The following EGFL6 variants were observed in gnomAD, a reference collection of about 807,000 sequenced individuals.
EGFL6 encodes the protein epidermal growth factor-like protein 6.
Under a neutral mutation model 43.1 loss-of-function variants are expected in EGFL6, and 42 were observed. The observed-to-expected ratio is 0.98, with a 90% confidence interval of 0.76 to 1.26. The LOEUF is 1.26. EGFL6 is among the 50% of genes most tolerant of loss of function. The pLI, the probability that EGFL6 is intolerant of heterozygous loss-of-function variation, is 0.00. For missense variants in EGFL6, 429 were observed against 427.8 expected (o/e 1.00, Z -0.02); for synonymous variants, 164 against 163.2 (o/e 1.01, Z -0.04).
chrX:13,619,720 C>CAGAA (rs1314978264), intron 9 of EGFL6, among the ~76,000 whole-genome samples: 5 of 111,703 alleles, frequency 4.5e-5, no homozygotes, highest in Non-Finnish European at 7.5e-5. Flanking sequence ...GTTGGCTGGA[C>CAGAA]GGTTCTGCTG....
At chrX:13,577,296 TTTTATATATA>T (rs1235732753) in intron 1 of EGFL6, among the ~76,000 whole-genome samples, 1 of 6,240 alleles carries the variant, frequency 1.6e-4, no homozygotes, top group African/African-American at 4.6e-4. Flanking sequence ...TATATATGAA[TTTTATATATA>T]TATATATATA....
In EGFL6 at chrX:13,608,448, T is replaced by A. The variant is rs776553348; in HGVS notation, c.778+2T>A. The A allele has an allele frequency of 2.6e-5, 31 of 1,209,858 alleles. No individual in the cohort carries two copies. Among genetic ancestry groups the A allele is most frequent in the Non-Finnish European group, 3.5e-5 (31 of 894,242 alleles). ...AAGGCAATGGACTTCGGTGTTCTGG[T>A]AAGTAGCATTTGGTCATGGTGTCTT... On this transcript the variant is annotated splice_donor_variant, in intron 7 of 11. Transcript: ENST00000361306. LOFTEE classifies it high-confidence loss of function.
chrX:13,591,909 C>G (rs2045565397), intron 2 of EGFL6, among the ~76,000 whole-genome samples: 1 of 111,757 alleles, frequency 8.9e-6, no homozygotes, highest in Non-Finnish European at 1.9e-5. Flanking sequence ...TAAACAAGTA[C>G]CTGATGAAAA....
intron 11 of EGFL6, among the ~76,000 whole-genome samples, chrX:13,628,363 G>A (rs1173078712): frequency 2.7e-5 from 3 of 109,966 alleles, no homozygotes; most frequent in African/African-American, 9.9e-5. Flanking sequence ...GAATAAAAAT[G>A]GCAAAGAGTC....
chrX:13,617,801 C>T lies in EGFL6; in HGVS notation c.850C>T (p.Leu284Phe), dbSNP rs150188002. The T allele has an allele frequency of 3.3e-6, 4 of 1,209,837 alleles. No homozygotes were observed. The highest frequency in any genetic ancestry group is 3.4e-6 in the Non-Finnish European group (3 of 895,126). The change falls in exon 8 of 12, where the codon CTT (leucine) becomes TTT (phenylalanine). Residue 284 changes from leucine to phenylalanine, a missense_variant. Coordinates refer to ENST00000361306, the MANE Select transcript of EGFL6 (RefSeq NM_015507.4). The part of the protein sequence containing the change: ...GTIKDRIKKL[L>F]AHKNSMKKKA... ...CATCAAAGACAGAATCAAGAAGTTG[C>T]TTGCTCACAAAAACAGCATGAAAAA...
In EGFL6 at chrX:13,569,668, C is replaced by A. The variant is rs1476698822; in HGVS notation, c.-194C>A. 2 of 420,241 alleles carry A rather than the reference C, an allele frequency of 4.8e-6. No homozygotes were observed. The highest frequency in any genetic ancestry group is 8.1e-5 in the East Asian group (2 of 24,635). 34.6% of individuals were successfully genotyped at this position (420,241 alleles called of 1,213,427 possible). ...GCTTGCCAGGGCGCCCCCAGCCCCT[C>A]CCCAGGCCGCGAGCGCCCCTGCCGC... is the stretch of plus-strand genomic sequence containing the variant. On this transcript the variant is annotated 5_prime_UTR_variant, in exon 1 of 12. Coordinates refer to ENST00000361306, the MANE Select transcript of EGFL6 (RefSeq NM_015507.4).
Position 13,606,159 on chromosome X carries a change from T to C in EGFL6, c.521-220T>C, listed in dbSNP as rs181154619. ...TGTAAGTAATGACATTATGGAAAGA[T>C]AATGCATCTTAAAAAGGTATAAAAT... On this transcript the variant is annotated intron_variant, in intron 5 of 11. Coordinates refer to ENST00000361306, the MANE Select transcript of EGFL6 (RefSeq NM_015507.4). Among the ~76,000 whole-genome samples, 254 of 111,688 alleles carry C rather than the reference T, an allele frequency of 2.3e-3. 1 individual carries two copies. The highest frequency in any genetic ancestry group is 7.5e-3 in the African/African-American group (232 of 30,738).
At chrX:13,582,353 G>A (rs1322338023) in intron 1 of EGFL6, among the ~76,000 whole-genome samples, 1 of 110,979 alleles carries the variant, frequency 9.0e-6, no homozygotes, top group Non-Finnish European at 1.9e-5. Context: ...GGCCCACTGC[G>A]CCCGGCCGAG....
chrX:13,592,987 T>C (rs983848484), intron 2 of EGFL6, among the ~76,000 whole-genome samples: 10 of 98,303 alleles, frequency 1.0e-4, no homozygotes, highest in Non-Finnish European at 1.9e-4. Flanking sequence ...CAATCTCAGC[T>C]CACTGCAACT....
At chrX:13,608,946 C>T (rs751173929) in intron 7 of EGFL6, among the ~76,000 whole-genome samples, 6 of 112,597 alleles carry the variant, frequency 5.3e-5, no homozygotes, top group Non-Finnish European at 7.5e-5. Context: ...TCATCCTCAA[C>T]GCTGGATCCA....
chrX:13,592,132 C>G (rs1367352197), intron 2 of EGFL6, among the ~76,000 whole-genome samples: 1 of 109,618 alleles, frequency 9.1e-6, no homozygotes, highest in Non-Finnish European at 1.9e-5. Context: ...CTCCTATGTT[C>G]TATTTGGCAT....
chrX:13,574,327 A>G (rs188822791), intron 1 of EGFL6, among the ~76,000 whole-genome samples: 28 of 111,994 alleles, frequency 2.5e-4, no homozygotes, highest in African/African-American at 8.8e-4. Flanking sequence ...AGGTTCCACA[A>G]TGTGCCAACA....
At chrX:13,572,837 G>C (rs145454035) in intron 1 of EGFL6, among the ~76,000 whole-genome samples, 5,253 of 111,483 alleles carry the variant, frequency 0.047, 292 homozygotes, top group African/African-American at 0.16. Context: ...CTTAAAACAA[G>C]AGAAGTTTAT....
At chrX:13,588,748 A>G (rs761272359) in intron 1 of EGFL6, among the ~76,000 whole-genome samples, 1 of 111,748 alleles carries the variant, frequency 8.9e-6, no homozygotes, top group South Asian at 3.8e-4. Context: ...ATACCATATC[A>G]TGACACAGGA....
At chrX:13,600,704 C>T (rs1287461153) in intron 4 of EGFL6, among the ~76,000 whole-genome samples, 3 of 100,486 alleles carry the variant, frequency 3.0e-5, no homozygotes, top group African/African-American at 1.1e-4. Flanking sequence ...TCAAGACCAG[C>T]CTGGCCAACA....
At chrX:13,631,152 T>G (rs1007828411) in intron 11 of EGFL6, among the ~76,000 whole-genome samples, 2 of 112,550 alleles carry the variant, frequency 1.8e-5, no homozygotes, top group African/African-American at 6.4e-5. Context: ...TGCATGTTAT[T>G]TTAAAGAATA....
Position 13,627,078 on chromosome X carries a change from TCTC to T in EGFL6, c.1356_1358del (p.Leu453del), listed in dbSNP as rs1232385769. On this transcript the variant is annotated inframe_deletion, in exon 11 of 12. Coordinates refer to ENST00000361306, the MANE Select transcript of EGFL6 (RefSeq NM_015507.4). ...AGAAAGACATTGGCCGATTGAAACT[TCTC>T]CTACCTGACCTGCAACCCCAAAGCA... The T allele has an allele frequency of 1.6e-6, 2 of 1,212,271 alleles. No homozygotes were observed. The highest frequency in any genetic ancestry group is 2.2e-6 in the Non-Finnish European group (2 of 895,647).
Position 13,632,986 on chromosome X carries a change from T to A in EGFL6, c.1553T>A (p.Ile518Asn). The A allele has an allele frequency of 8.3e-7, 1 of 1,207,316 alleles. No homozygotes were observed. The highest frequency in any genetic ancestry group is 1.1e-6 in the Non-Finnish European group (1 of 892,883). ...LYQGTDATKS[I>N]IFEAERGKGK... ...TTTTTATTCTCTCTCCATTATTAGA[T>A]CATTTTTGAAGCAGAACGTGGCAAG... Residue 518 changes from isoleucine to asparagine, a missense_variant and splice_region_variant, in exon 12 of 12, where the codon ATC becomes AAC. Transcript: ENST00000361306.
chrX:13,630,942 A>G (rs1431314615), intron 11 of EGFL6, among the ~76,000 whole-genome samples: 3 of 112,830 alleles, frequency 2.7e-5, no homozygotes, highest in South Asian at 7.3e-4. Flanking sequence ...TTGAATTTAT[A>G]TAAGTTTGAG....
Sources: gnomAD v4.1 joint callset for allele counts (sites outside exome capture counted in the v4.1 genomes callset) on GRCh38, gnomAD v4.1.1 for gene constraint, MANE v1.5 for transcripts, NCBI Gene and HGNC (gene_info 2026-07-23, HGNC 2026-07-21) for gene names.